NAV2: variants seen among roughly 807,000 people sequenced by gnomAD.
NAV2 encodes helicase, APC down-regulated 1.
A neutral mutation model predicts 223.2 loss-of-function variants in NAV2; 54 were observed. The ratio of observed to expected loss-of-function variants is 0.24; its 90% CI spans 0.19 to 0.30. NAV2 has a LOEUF of 0.30. Ranked by LOEUF, NAV2 falls within the 10% of genes least tolerant of loss-of-function variation. The pLI is 1.00. For synonymous variants in NAV2, 1,279 were observed against 1,239.3 expected (o/e 1.03, Z -0.67); for missense variants, 2,806 against 3,147.5 (o/e 0.89, Z 2.60).
At chr11:19,456,310 T>C (rs948707872) in intron 1 of NAV2, among the ~76,000 whole-genome samples, 2 of 152,232 alleles carry the variant, frequency 1.3e-5, no homozygotes, top group Non-Finnish European at 2.9e-5. Context: ...CCATGATAGA[T>C]GCACAGTCAC....
At chr11:19,423,923 G>A (rs773692690) in intron 1 of NAV2, among the ~76,000 whole-genome samples, 57 of 152,086 alleles carry the variant, frequency 3.7e-4, no homozygotes, top group Non-Finnish European at 4.9e-4. Context: ...GAGAATCGTA[G>A]AATAATAGTA....
At chr11:19,771,579 C>A (rs1033072476) in intron 1 of NAV2, among the ~76,000 whole-genome samples, 1 of 151,870 alleles carries the variant, frequency 6.6e-6, no homozygotes, top group Non-Finnish European at 1.5e-5. Context: ...AAATTCTTGA[C>A]CCTCATCTGA....
intron 1 of NAV2, among the ~76,000 whole-genome samples, chr11:19,424,325 G>A (rs1471929301): frequency 2.0e-5 from 3 of 152,158 alleles, no homozygotes; most frequent in Admixed American, 6.5e-5. Context: ...GCTTCCTAGA[G>A]GCATGGGGAG....
chr11:20,002,599 G>A (rs946202488), intron 11 of NAV2, among the ~76,000 whole-genome samples: 8 of 152,156 alleles, frequency 5.3e-5, no homozygotes, highest in Admixed American at 3.3e-4. Context: ...TGGTAGAAAG[G>A]AAGACAGAAT....
At chr11:19,456,242 A>G (rs2133825536) in intron 1 of NAV2, among the ~76,000 whole-genome samples, 2 of 152,280 alleles carry the variant, frequency 1.3e-5, no homozygotes, top group South Asian at 4.2e-4. Context: ...TGTTCCTGGG[A>G]TATTCCTTCA....
chr11:19,886,535 C>T (rs1441789484), intron 5 of NAV2, among the ~76,000 whole-genome samples: 1 of 152,196 alleles, frequency 6.6e-6, no homozygotes, highest in Admixed American at 6.5e-5. Context: ...CAAACTGGTC[C>T]CTTCTCAGTT....
At chr11:20,110,245 T>A (rs1260332288) in intron 36 of NAV2, among the ~76,000 whole-genome samples, 2 of 152,066 alleles carry the variant, frequency 1.3e-5, no homozygotes, top group African/African-American at 4.8e-5. Context: ...GCGGCCAGAG[T>A]TTGCATCCCA....
At chr11:20,007,744 G>A (rs561763362) in intron 11 of NAV2, among the ~76,000 whole-genome samples, 2 of 152,260 alleles carry the variant, frequency 1.3e-5, no homozygotes, top group East Asian at 3.9e-4. Flanking sequence ...TTGATCAGCA[G>A]CTGCAATGGG....
At chr11:19,684,991 C>G (rs967805471) in intron 1 of NAV2, among the ~76,000 whole-genome samples, 1 of 152,192 alleles carries the variant, frequency 6.6e-6, no homozygotes, top group Non-Finnish European at 1.5e-5. Flanking sequence ...CATGGTCAGG[C>G]AGGGCTAGGA....
chr11:19,723,673 T>C (rs1183058761), intron 1 of NAV2, among the ~76,000 whole-genome samples: 1 of 152,222 alleles, frequency 6.6e-6, no homozygotes, highest in Non-Finnish European at 1.5e-5. Context: ...TTTGCCCACA[T>C]CCTGCTGCAA....
intron 1 of NAV2, chr11:19,504,850 T>C (rs1162362470): frequency 6.6e-6 from 1 of 152,238 alleles, no homozygotes; most frequent in Admixed American, 6.5e-5. Context: ...CTAAGAATGT[T>C]ATTTGTAAAA....
chr11:19,516,092 G>A (rs1354416739), intron 1 of NAV2, among the ~76,000 whole-genome samples: 1 of 152,234 alleles, frequency 6.6e-6, no homozygotes, highest in Non-Finnish European at 1.5e-5. Flanking sequence ...TCAGGAAGAT[G>A]TCCTGGCTGG....
chr11:19,682,233 G>T (rs529643477), intron 1 of NAV2, among the ~76,000 whole-genome samples: 1 of 152,314 alleles, frequency 6.6e-6, no homozygotes, highest in Non-Finnish European at 1.5e-5. Context: ...GAAGGGGCTG[G>T]TGATAATACC....
intron 1 of NAV2, among the ~76,000 whole-genome samples, chr11:19,765,933 C>T (rs1008990502): frequency 6.6e-6 from 1 of 152,278 alleles, no homozygotes; most frequent in East Asian, 1.9e-4. Flanking sequence ...ACTATATCTT[C>T]ACTTGCTTGT....
At chr11:19,358,309 G>A (rs1355404823) in intron 1 of NAV2, among the ~76,000 whole-genome samples, 1 of 152,156 alleles carries the variant, frequency 6.6e-6, no homozygotes, top group Non-Finnish European at 1.5e-5. Flanking sequence ...TCATTTGCGG[G>A]GAGGAAGCAG....
chr11:20,045,258 G>A lies in NAV2; in HGVS notation c.3490G>A (p.Gly1164Ser). The change falls in exon 14 of 38, where the codon GGT (glycine) becomes AGT (serine). Residue 1164 changes from glycine to serine, a missense_variant. Physicochemically the swap from Gly to Ser is moderately conservative, Grantham distance 56. Transcript: ENST00000349880. Reference protein sequence around the residue: ...KSSALVSRSAGRKSSMDGAQN... With the variant: ...KSSALVSRSASRKSSMDGAQN... ...ATCTGCACTCGTCAGTCGGTCTGCT[G>A]GTCGGAAGTCAAGTATGGATGGGGC... 6.2e-7 allele frequency: 1 copy of A among 1,614,182 alleles called. No homozygotes were observed. The highest frequency in any genetic ancestry group is 8.5e-7 in the Non-Finnish European group (1 of 1,180,030).
intron 6 of NAV2, among the ~76,000 whole-genome samples, chr11:19,915,902 G>A (rs1170888780): frequency 6.6e-6 from 1 of 152,180 alleles, no homozygotes; most frequent in Non-Finnish European, 1.5e-5. Flanking sequence ...ATAAATGAGT[G>A]AGCTATAGAG....
intron 1 of NAV2, among the ~76,000 whole-genome samples, chr11:19,435,161 C>T (rs1407013572): frequency 6.6e-6 from 1 of 152,094 alleles, no homozygotes; most frequent in Non-Finnish European, 1.5e-5. Flanking sequence ...TAATTATAGT[C>T]ACCATGCTAT....
Position 19,446,652 on chromosome 11 carries a change from GTGCC to G in NAV2, c.75+95646_75+95649del, listed in dbSNP as rs541675739. Among the ~76,000 whole-genome samples the G allele has an allele frequency of 8.5e-4, 129 of 152,174 alleles. 1 individual carries two copies. Among genetic ancestry groups the G allele is most frequent in the African/African-American group, 2.8e-3 (118 of 41,506 alleles). On this transcript the variant is annotated intron_variant, in intron 1 of 37. Coordinates refer to the NAV2 transcript ENST00000360655. Reference sequence around the variant, plus strand: ...GAATGAGGACTGCATCTCAGACGGTGTGCCTGCCTGCCTGCCTGCCTGCCGCCAG... The same window carrying G: ...GAATGAGGACTGCATCTCAGACGGTGTGCCTGCCTGCCTGCCTGCCGCCAG...
Sources: allele counts gnomAD v4.1 joint callset (sites outside exome capture counted in the v4.1 genomes callset), GRCh38; gene constraint gnomAD v4.1.1; transcripts MANE v1.5; gene names NCBI Gene and HGNC (gene_info 2026-07-23, HGNC 2026-07-21).